NSUN2: variants seen among roughly 807,000 people sequenced by gnomAD.
The protein encoded by NSUN2 is RNA cytosine C(5)-methyltransferase NSUN2.
In NSUN2, 63 loss-of-function variants were observed where a neutral mutation model predicts 92.7. The observed-to-expected ratio is 0.68, with a 90% CI of 0.56 to 0.84. The LOEUF (loss-of-function observed/expected upper bound fraction) is 0.84. Among genes scored for constraint, NSUN2 ranks in the 40% least tolerant of loss-of-function variants. NSUN2 has a pLI of 0.00. For synonymous variants in NSUN2, 356 were observed against 348.3 expected (o/e 1.02, Z -0.25); for missense variants, 989 against 964.9 (o/e 1.02, Z -0.33).
intron 12 of NSUN2, 27 bp from the exon 13 acceptor site, chr5:6,607,411 A>T (rs1176634884): frequency 6.3e-7 from 1 of 1,588,242 alleles, no homozygotes; most frequent in East Asian, 2.2e-5. Flanking sequence ...TTTCATTGAC[A>T]CACAAAGAGG....
In NSUN2 at chr5:6,599,328, A is replaced by G. The variant is rs188205709; in HGVS notation, c.*598T>C. The G allele has an allele frequency of 3.0e-4, 46 of 152,776 alleles. No individual in the cohort carries two copies. Among genetic ancestry groups the G allele is most frequent in the African/African-American group, 9.6e-4 (40 of 41,568 alleles). 9.5% of individuals were successfully genotyped at this position (152,776 alleles called of 1,614,324 possible). On this transcript the variant is annotated 3_prime_UTR_variant, in exon 19 of 19. Transcript: ENST00000264670. ...AAAGCACTCCATTCAATAAAAGCAC[A>G]TAAGTCCCCCTCAATAATTAGTATG...
intron 3 of NSUN2, among the ~76,000 whole-genome samples, chr5:6,628,786 T>TA (rs757925477): frequency 4.6e-5 from 7 of 152,238 alleles, no homozygotes; most frequent in Non-Finnish European, 2.9e-5. Flanking sequence ...CTCATGTCTG[T>TA]AATCCCAGCA....
intron 10 of NSUN2, 93 bp downstream of exon 10, chr5:6,611,632 C>A (rs1020588154): frequency 1.5e-5 from 14 of 944,272 alleles, no homozygotes; most frequent in Middle Eastern, 4.3e-4. Context: ...AGTATTTATT[C>A]AAGTTACTCA....
rs1736469296 is a variant in NSUN2 at position 6,599,870 on chromosome 5, CAG to C, written c.*54_*55del. 27 of 1,526,214 alleles carry C rather than the reference CAG, an allele frequency of 1.8e-5. 2 individuals are homozygous for C. In the South Asian group the frequency reaches 3.0e-4, roughly 17 times the overall value. 94.5% of individuals were successfully genotyped at this position (1,526,214 alleles called of 1,614,324 possible). ...GGATTTGGTTTCAGACACCAGTGAC[CAG>C]AAGAAGCCAGTTTTGCGTGTGAGGG... On this transcript the variant is annotated 3_prime_UTR_variant, in exon 19 of 19. Transcript: ENST00000264670.
chr5:6,629,065 C>T (rs1009497186), intron 3 of NSUN2, among the ~76,000 whole-genome samples: 1 of 152,030 alleles, frequency 6.6e-6, no homozygotes, highest in Non-Finnish European at 1.5e-5. Flanking sequence ...ATAGAGAAAC[C>T]ATCATTGATA....
chr5:6,607,314 G>A lies in NSUN2; in HGVS notation c.1394C>T (p.Pro465Leu), dbSNP rs1736816965. 2 of 1,613,970 alleles carry A rather than the reference G, an allele frequency of 1.2e-6. No individual in the cohort carries two copies. The highest frequency in any genetic ancestry group is 2.7e-5 in the African/African-American group (2 of 74,906). The change falls in exon 13 of 19, where the codon CCC becomes CTC. Residue 465 changes from proline (P) to leucine (L), a missense_variant. Physicochemically the swap from Pro to Leu is moderately conservative, Grantham distance 98 (BLOSUM62 -3). Around this residue, in one of 3 missense-constraint regions of NSUN2, gnomAD observed 626 missense variants for 602.3 expected, o/e 1.04. Transcript: ENST00000264670. ...ACTTTCCAGCTTAGAGGGATCTGTG[G>A]GTTTCCCTTCTGTGAGATCTGCAGG... ...LSPADLTEGK[P>L]TDPSKLESPS...
intron 6 of NSUN2, chr5:6,620,995 C>T (rs1192739544): frequency 6.6e-6 from 1 of 152,140 alleles, no homozygotes; most frequent in Non-Finnish European, 1.5e-5. Context: ...GGCTTTTTAG[C>T]CAAGGCATTA....
At chr5:6,606,955 TG>T (rs1455858540) in intron 13 of NSUN2, 43 bp from the exon 14 acceptor site, 1 of 1,210,118 alleles carries the variant, frequency 8.3e-7, no homozygotes, top group Non-Finnish European at 1.2e-6. Flanking sequence ...CTGTAATGTG[TG>T]GTAACCTTCA....
chr5:6,611,621 T>C, intron 10 of NSUN2, 104 bp downstream of exon 10: 3 of 818,224 alleles, frequency 3.7e-6, no homozygotes, highest in South Asian at 3.1e-5. Flanking sequence ...TAACCAGATG[T>C]AGTATTTATT....
chr5:6,624,722 G>C (rs903249849), intron 4 of NSUN2, among the ~76,000 whole-genome samples: 6 of 152,158 alleles, frequency 3.9e-5, no homozygotes, highest in African/African-American at 1.4e-4. Flanking sequence ...CACAAGCCCA[G>C]TTTAGTCGGT....
chr5:6,622,146 T>C (rs1006444120), intron 5 of NSUN2, 46 bp from the exon 6 acceptor site: 6 of 1,428,700 alleles, frequency 4.2e-6, no homozygotes, highest in Non-Finnish European at 5.9e-6. Context: ...AAAAACCAAA[T>C]ATTCTACATT....
intron 12 of NSUN2, among the ~76,000 whole-genome samples, chr5:6,608,364 G>C (rs1736864256): frequency 6.6e-6 from 1 of 152,154 alleles, no homozygotes; most frequent in South Asian, 2.1e-4. Context: ...AGGTCAGTGT[G>C]AGCTTCCCTG....
At chr5:6,613,888 G>A (rs1421495139) in intron 9 of NSUN2, among the ~76,000 whole-genome samples, 2 of 152,098 alleles carry the variant, frequency 1.3e-5, no homozygotes, top group Admixed American at 6.5e-5. Context: ...CCTGAAGTCA[G>A]GAGTTTGAGA....
Position 6,610,736 on chromosome 5 carries a change from C to G in NSUN2, c.1226+219G>C, listed in dbSNP as rs923412630. Reference sequence around the variant, plus strand: ...TACCCTAAGCATTACCATTTAGATTCTAGCCAATTTCACTATTAATAAATG... The same window carrying G: ...TACCCTAAGCATTACCATTTAGATTGTAGCCAATTTCACTATTAATAAATG... On this transcript the variant is annotated intron_variant, in intron 11 of 18. Transcript: ENST00000264670. 1.4e-4 allele frequency among the ~76,000 whole-genome samples: 21 copies of G among 151,608 alleles called. 1 individual carries two copies. The highest frequency in any genetic ancestry group is 3.9e-4 in the African/African-American group (16 of 41,254).
chr5:6,631,357 T>C (rs944389045), intron 3 of NSUN2, among the ~76,000 whole-genome samples: 2 of 151,980 alleles, frequency 1.3e-5, no homozygotes, highest in African/African-American at 4.8e-5. Context: ...AAGAAAGAGG[T>C]AGCTCCCAGA....
At chr5:6,629,257 A>G (rs934616836) in intron 3 of NSUN2, among the ~76,000 whole-genome samples, 81 of 152,244 alleles carry the variant, frequency 5.3e-4, no homozygotes, top group African/African-American at 1.8e-3. Flanking sequence ...ACCTTGTCAT[A>G]TACCCAGACA....
chr5:6,618,905 G>C (rs1471499044), intron 7 of NSUN2, among the ~76,000 whole-genome samples: 2 of 152,176 alleles, frequency 1.3e-5, no homozygotes, highest in Non-Finnish European at 2.9e-5. Context: ...GTGTACACGA[G>C]GGACTAGGTC....
At chr5:6,610,683 C>CT (rs1736950737) in intron 11 of NSUN2, among the ~76,000 whole-genome samples, 6 of 127,402 alleles carry the variant, frequency 4.7e-5, no homozygotes, top group South Asian at 5.2e-4. Flanking sequence ...GACTCTCTCT[C>CT]AAAAAAAAAA....
chr5:6,601,448 G>A (rs756253821), intron 18 of NSUN2, among the ~76,000 whole-genome samples: 3 of 151,838 alleles, frequency 2.0e-5, no homozygotes, highest in South Asian at 2.1e-4. Flanking sequence ...GCTCGGCCTC[G>A]CTGACCTCTC....
Sources: allele counts gnomAD v4.1 joint callset (sites outside exome capture counted in the v4.1 genomes callset), GRCh38; gene constraint gnomAD v4.1.1; regional missense constraint gnomAD v4.1.1; transcripts MANE v1.5; gene names NCBI Gene and HGNC (gene_info 2026-07-23, HGNC 2026-07-21).